The following ZNF385B variants were observed in gnomAD, a reference collection of about 807,000 sequenced individuals.
ZNF385B encodes zinc finger protein 385B.
In ZNF385B, 23 loss-of-function variants were observed where a neutral mutation model predicts 39.2. That is an observed-to-expected ratio of 0.59 (90% CI 0.42 to 0.83). The LOEUF is 0.83. ZNF385B is among the 40% of genes least tolerant of loss of function. The pLI, the probability that ZNF385B is intolerant of heterozygous loss-of-function variation, is 0.00. For synonymous variants in ZNF385B, 205 were observed against 222.6 expected (o/e 0.92, Z 0.70); for missense variants, 552 against 598.9 (o/e 0.92, Z 0.82).
chr2:179,596,905 CTT>C lies in ZNF385B; in HGVS notation c.299-51938_299-51937del, dbSNP rs150012657. Among the ~76,000 whole-genome samples the C allele has an allele frequency of 8.0e-3, 1,218 of 152,276 alleles. 15 individuals carry two copies. The highest frequency in any genetic ancestry group is 0.028 in the African/African-American group (1,177 of 41,542). On this transcript the variant is annotated intron_variant, in intron 3 of 9. Transcript: ENST00000410066. ...CTCTGAGCAGGCCACATTTTCAACA[CTT>C]TGCTTGAAAATTTCCTTAGCTAGAT...
rs772372614 is a variant in ZNF385B at position 179,617,978 on chromosome 2, ACTCT to A, written c.299-73013_299-73010del. On this transcript the variant is annotated intron_variant, in intron 3 of 9. Coordinates refer to ENST00000410066, the MANE Select transcript of ZNF385B (RefSeq NM_152520.6). The stretch of plus-strand genomic sequence containing the variant: ...CTAATCACACGTTTCTCCCGTGCTC[ACTCT>A]CTCTTCTTCTTCCTGATTATTATTA... Among the ~76,000 whole-genome samples the A allele has an allele frequency of 1.3e-5, 2 of 151,858 alleles. 1 individual carries two copies. Among genetic ancestry groups the A allele is most frequent in the Non-Finnish European group, 2.9e-5 (2 of 67,958 alleles).
chr2:179,487,094 T>C (rs2054653077), intron 5 of ZNF385B, among the ~76,000 whole-genome samples: 1 of 152,212 alleles, frequency 6.6e-6, no homozygotes, highest in Non-Finnish European at 1.5e-5. Flanking sequence ...AACCTCCAAG[T>C]ACAAGATAAA....
Position 179,667,403 on chromosome 2 carries a change from T to TC in ZNF385B, c.298+102099dup, listed in dbSNP as rs542391894. Among the ~76,000 whole-genome samples the TC allele has an allele frequency of 3.2e-3, 487 of 151,890 alleles. 2 individuals carry two copies. Among genetic ancestry groups the TC allele is most frequent in the African/African-American group, 0.011 (449 of 41,396 alleles). On this transcript the variant is annotated intron_variant, in intron 3 of 9. Transcript: ENST00000410066. ...TTACCTGGAAAAAACTTAGTCTCCC[T>TC]CCCCCCCACCATTTTGTAGTTAAGG...
intron 1 of ZNF385B, among the ~76,000 whole-genome samples, chr2:179,797,649 A>ACAGGCTAGG (rs1705755066): frequency 2.0e-5 from 3 of 152,206 alleles, no homozygotes; most frequent in Admixed American, 2.0e-4. Flanking sequence ...AGAGTTTTCC[A>ACAGGCTAGG]CAGGCTAGGT....
intron 3 of ZNF385B, among the ~76,000 whole-genome samples, chr2:179,619,117 C>A (rs1690000377): frequency 6.6e-6 from 1 of 152,294 alleles, no homozygotes; most frequent in South Asian, 2.1e-4. Context: ...ATAATTACCA[C>A]AAAAATTTGA....
At chr2:179,700,767 G>C (rs774473340) in intron 3 of ZNF385B, among the ~76,000 whole-genome samples, 1 of 152,120 alleles carries the variant, frequency 6.6e-6, no homozygotes, top group Non-Finnish European at 1.5e-5. Flanking sequence ...TAATCCCAAC[G>C]CTTTGGAAGG....
At chr2:179,682,205 C>T (rs963846619) in intron 3 of ZNF385B, among the ~76,000 whole-genome samples, 2 of 152,160 alleles carry the variant, frequency 1.3e-5, no homozygotes, top group African/African-American at 4.8e-5. Context: ...TATAGTGTTC[C>T]TCTTCCCCAC....
intron 6 of ZNF385B, among the ~76,000 whole-genome samples, chr2:179,462,217 C>T (rs1329567105): frequency 6.6e-6 from 1 of 152,192 alleles, no homozygotes; most frequent in Non-Finnish European, 1.5e-5. Flanking sequence ...CTGTTTAACA[C>T]TCATTAAACC....
chr2:179,556,913 A>G (rs77656785), intron 3 of ZNF385B, among the ~76,000 whole-genome samples: 3,219 of 149,386 alleles, frequency 0.022, 205 homozygotes, highest in Middle Eastern at 0.059. Flanking sequence ...ATGGCAGTCT[A>G]TAGCATGCTA....
intron 3 of ZNF385B, among the ~76,000 whole-genome samples, chr2:179,754,468 C>T (rs1220135623): frequency 1.3e-5 from 2 of 152,102 alleles, no homozygotes; most frequent in Admixed American, 6.5e-5. Flanking sequence ...GGGAGGATTC[C>T]CTCTTTTTCT....
intron 4 of ZNF385B, among the ~76,000 whole-genome samples, chr2:179,530,220 C>A (rs1262954427): frequency 6.6e-6 from 1 of 152,030 alleles, no homozygotes; most frequent in Non-Finnish European, 1.5e-5. Context: ...ATTAAATTTC[C>A]ATAACATAAA....
In ZNF385B at chr2:179,696,680, C is replaced by A. The variant is rs76796942; in HGVS notation, c.298+72823G>T. Among the ~76,000 whole-genome samples, 1,241 of 152,032 alleles carry A rather than the reference C, an allele frequency of 8.2e-3. 15 individuals are homozygous for A. The highest frequency in any genetic ancestry group is 0.028 in the African/African-American group (1,145 of 41,448). The stretch of plus-strand genomic sequence containing the variant: ...GCATGTGCTTAGAGTACACACAAAT[C>A]CAGGTTTGGTTTTAATAAACTTTTC... On this transcript the variant is annotated intron_variant, in intron 3 of 9. Transcript: ENST00000410066.
intron 1 of ZNF385B, among the ~76,000 whole-genome samples, chr2:179,787,142 C>T (rs536912146): frequency 5.8e-4 from 88 of 152,022 alleles, no homozygotes; most frequent in South Asian, 1.5e-3. Context: ...AACACATAAA[C>T]TCTGTCTCTC....
At chr2:179,848,098 G>A (rs757357371) in intron 1 of ZNF385B, among the ~76,000 whole-genome samples, 4 of 152,058 alleles carry the variant, frequency 2.6e-5, no homozygotes, top group African/African-American at 4.8e-5. Context: ...AGACTGATTC[G>A]CTGTAAAAAA....
intron 3 of ZNF385B, among the ~76,000 whole-genome samples, chr2:179,760,795 C>T (rs1703336495): frequency 6.6e-6 from 1 of 152,140 alleles, no homozygotes; most frequent in Non-Finnish European, 1.5e-5. Flanking sequence ...TGTGAAAACA[C>T]AAGCAGAGAC....
At chr2:179,448,038 T>C (rs1404557534) in intron 6 of ZNF385B, among the ~76,000 whole-genome samples, 1 of 151,848 alleles carries the variant, frequency 6.6e-6, no homozygotes, top group East Asian at 1.9e-4. Context: ...TAGAGGGTGC[T>C]ATGGAGGGAT....
chr2:179,615,394 A>T (rs1689649632), intron 3 of ZNF385B, among the ~76,000 whole-genome samples: 1 of 152,340 alleles, frequency 6.6e-6, no homozygotes, highest in Non-Finnish European at 1.5e-5. Flanking sequence ...ACTTGTTAAA[A>T]ATGCATGTTA....
intron 3 of ZNF385B, among the ~76,000 whole-genome samples, chr2:179,750,537 T>C (rs1267452800): frequency 6.6e-6 from 1 of 152,134 alleles, no homozygotes; most frequent in African/African-American, 2.4e-5. Flanking sequence ...TATAAGGACC[T>C]GTGACTTATA....
At chr2:179,534,423 T>C (rs1409581659) in intron 4 of ZNF385B, among the ~76,000 whole-genome samples, 1 of 152,224 alleles carries the variant, frequency 6.6e-6, no homozygotes, top group African/African-American at 2.4e-5. Flanking sequence ...TATTTTAAGT[T>C]ATTAGAAATA....
Sources: allele counts gnomAD v4.1 joint callset (sites outside exome capture counted in the v4.1 genomes callset), GRCh38; gene constraint gnomAD v4.1.1; transcripts MANE v1.5; gene names NCBI Gene and HGNC (gene_info 2026-07-23, HGNC 2026-07-21).